Variants in SORBS2 observed in about 807,000 individuals in gnomAD.
The protein encoded by SORBS2 is sorbin and SH3 domain-containing protein 2.
In SORBS2, 46 loss-of-function variants were observed where a neutral mutation model predicts 97.7. The ratio of observed to expected loss-of-function variants is 0.47; its 90% CI spans 0.37 to 0.60. The LOEUF is 0.60. SORBS2 is among the 20% of genes least tolerant of loss of function. The pLI is 0.00. For synonymous variants in SORBS2, 476 were observed against 473.4 expected (o/e 1.01, Z -0.07); for missense variants, 1,316 against 1,282.3 (o/e 1.03, Z -0.40).
exon 8 of SORBS2, chr4:185,620,110 T>A: frequency 6.2e-7 from 1 of 1,612,656 alleles, no homozygotes; most frequent in Non-Finnish European, 8.5e-7. Flanking sequence ...CTTCTCCCCA[T>A]GTCAGTCAAA....
rs1397965144 is a variant in SORBS2, at chr4:185,646,407, ATG to A, written c.396+259_396+260del. 1.1e-3 allele frequency: 350 copies of A among 314,276 alleles called. 1 individual carries two copies. Among genetic ancestry groups the A allele is most frequent in the African/African-American group, 6.5e-3 (263 of 40,738 alleles). 19.5% of individuals were successfully genotyped at this position (314,276 alleles called of 1,614,324 possible). A position where few individuals can be genotyped will look rare whatever the true frequency, so the allele number is the denominator to read the frequency against. Reference sequence around the variant, plus strand: ...TATATGTGTATGTATATACACCTGCATGTGTGTGTGTATATATATATATATAA... The same window carrying A: ...TATATGTGTATGTATATACACCTGCATGTGTGTGTATATATATATATATAA... On this transcript the variant is annotated intron_variant, in intron 4 of 14. Coordinates refer to ENST00000418609, the Ensembl canonical transcript of SORBS2.
chr4:185,890,575 A>G (rs1346644651), intron 1 of SORBS2, among the ~76,000 whole-genome samples: 3 of 152,160 alleles, frequency 2.0e-5, no homozygotes, highest in African/African-American at 7.2e-5. Flanking sequence ...GGACTCCCCC[A>G]CAGTCTCACC....
exon 7 of SORBS2, chr4:185,624,347 C>A (rs750638560): frequency 6.8e-6 from 11 of 1,614,216 alleles, no homozygotes; most frequent in Non-Finnish European, 9.3e-6. Context: ...CATTTGCCAG[C>A]CGTTCTTGAA....
intron 2 of SORBS2, among the ~76,000 whole-genome samples, chr4:185,758,851 C>A (rs776195762): frequency 3.9e-5 from 6 of 152,254 alleles, no homozygotes; most frequent in Non-Finnish European, 8.8e-5. Flanking sequence ...CAACCCCCTT[C>A]AACTTCCTTG....
chr4:185,767,898 G>C (rs968068812), intron 2 of SORBS2, among the ~76,000 whole-genome samples: 3 of 152,154 alleles, frequency 2.0e-5, no homozygotes, highest in African/African-American at 7.2e-5. Context: ...CACCTTCCCA[G>C]GGGCTTTGCA....
intron 4 of SORBS2, among the ~76,000 whole-genome samples, chr4:185,671,168 A>G (rs1048275038): frequency 6.6e-6 from 1 of 152,086 alleles, no homozygotes; most frequent in Non-Finnish European, 1.5e-5. Context: ...AATTATTTTA[A>G]CCATATACTC....
chr4:185,881,346 C>A (rs938564620), intron 1 of SORBS2, among the ~76,000 whole-genome samples: 2 of 152,110 alleles, frequency 1.3e-5, no homozygotes, highest in Non-Finnish European at 2.9e-5. Context: ...ATTATAGCAC[C>A]AAACCTTCTT....
At chr4:185,848,621 T>C (rs1367765102) in intron 1 of SORBS2, among the ~76,000 whole-genome samples, 1 of 5,130 alleles carries the variant, frequency 1.9e-4, no homozygotes, top group Non-Finnish European at 4.2e-4. Flanking sequence ...GATATCTCTT[T>C]TTTTTTTTTT....
At chr4:185,705,635 G>A (rs1011841314) in intron 2 of SORBS2, among the ~76,000 whole-genome samples, 3 of 152,042 alleles carry the variant, frequency 2.0e-5, no homozygotes, top group South Asian at 2.1e-4. Flanking sequence ...GGGGTTTTCC[G>A]TTTTTTCACT....
chr4:185,827,990 ATC>A, intron 1 of SORBS2, among the ~76,000 whole-genome samples: 1 of 40,696 alleles, frequency 2.5e-5, no homozygotes, highest in East Asian at 3.3e-4. Flanking sequence ...CATCATCATC[ATC>A]ATCACCATCA....
At chr4:185,615,824 CA>C (rs1315307645) in intron 9 of SORBS2, among the ~76,000 whole-genome samples, 1 of 152,042 alleles carries the variant, frequency 6.6e-6, no homozygotes, top group Non-Finnish European at 1.5e-5. Context: ...CTTTTATTTA[CA>C]AAAAATAAAA....
chr4:185,670,715 T>C (rs985598974), intron 4 of SORBS2, among the ~76,000 whole-genome samples: 5 of 151,684 alleles, frequency 3.3e-5, no homozygotes, highest in Non-Finnish European at 7.4e-5. Flanking sequence ...AATCTTTACC[T>C]CCCATCCACA....
At chr4:185,662,883 C>G (rs1252462885) in intron 4 of SORBS2, among the ~76,000 whole-genome samples, 1 of 152,222 alleles carries the variant, frequency 6.6e-6, no homozygotes, top group Non-Finnish European at 1.5e-5. Flanking sequence ...TGTTTGATTT[C>G]TTAATTATTC....
intron 1 of SORBS2, among the ~76,000 whole-genome samples, chr4:185,922,824 A>C (rs1579511485): frequency 6.6e-6 from 1 of 152,182 alleles, no homozygotes; most frequent in African/African-American, 2.4e-5. Context: ...AGATATTATT[A>C]TTCTCATTTC....
At chr4:185,719,876 G>A (rs545232378) in intron 2 of SORBS2, among the ~76,000 whole-genome samples, 37 of 152,288 alleles carry the variant, frequency 2.4e-4, no homozygotes, top group Admixed American at 7.8e-4. Flanking sequence ...AATTTATAAC[G>A]GAAGTTTCAG....
chr4:185,861,486 A>C (rs1393701976), intron 1 of SORBS2, among the ~76,000 whole-genome samples: 1 of 152,088 alleles, frequency 6.6e-6, no homozygotes, highest in Non-Finnish European at 1.5e-5. Context: ...ATGAGGCTGG[A>C]GGAGGAGAAA....
intron 2 of SORBS2, among the ~76,000 whole-genome samples, chr4:185,691,179 C>T (rs1301295987): frequency 2.0e-5 from 3 of 151,998 alleles, no homozygotes; most frequent in Non-Finnish European, 2.9e-5. Flanking sequence ...GGATTACAGG[C>T]GTGAGCCACC....
At chr4:185,898,256 T>C (rs1301305007) in intron 1 of SORBS2, among the ~76,000 whole-genome samples, 1 of 152,236 alleles carries the variant, frequency 6.6e-6, no homozygotes, top group Non-Finnish European at 1.5e-5. Flanking sequence ...TATTAAGCCA[T>C]TGACAATTTT....
At chr4:185,869,324 G>T (rs1260059013) in intron 1 of SORBS2, among the ~76,000 whole-genome samples, 1 of 152,162 alleles carries the variant, frequency 6.6e-6, no homozygotes, top group Non-Finnish European at 1.5e-5. Flanking sequence ...GGAGGAACTG[G>T]AATAACTGCA....
Sources: gnomAD v4.1 joint callset for allele counts (sites outside exome capture counted in the v4.1 genomes callset) on GRCh38, gnomAD v4.1.1 for gene constraint, MANE v1.5 for transcripts, NCBI Gene and HGNC (gene_info 2026-07-23, HGNC 2026-07-21) for gene names.